The following CLIC5 variants were observed in gnomAD, a reference collection of about 807,000 sequenced individuals.
CLIC5 encodes the protein chloride intracellular channel protein 5.
Under a neutral mutation model 24.7 loss-of-function variants are expected in CLIC5, and 20 were observed. The ratio of observed to expected loss-of-function variants is 0.81; its 90% CI spans 0.57 to 1.18. The LOEUF is 1.18. Among genes scored for constraint, CLIC5 ranks in the 50% most tolerant of loss-of-function variants. The pLI is 0.00. For missense variants in CLIC5, 341 were observed against 326.1 expected (o/e 1.05, Z -0.35); for synonymous variants, 159 against 135.6 (o/e 1.17, Z -1.20).
intron 1 of CLIC5, among the ~76,000 whole-genome samples, chr6:46,048,206 T>C (rs1415118767): frequency 2.0e-5 from 3 of 152,200 alleles, no homozygotes; most frequent in African/African-American, 2.4e-5. Context: ...TTTTGCCATA[T>C]TGGCCAAGTT....
At chr6:46,039,856 C>T (rs1157602839) in intron 1 of CLIC5, among the ~76,000 whole-genome samples, 1 of 152,146 alleles carries the variant, frequency 6.6e-6, no homozygotes, top group Non-Finnish European at 1.5e-5. Context: ...AATGTTCAGT[C>T]TCAATAGCAA....
intron 1 of CLIC5, among the ~76,000 whole-genome samples, chr6:45,980,254 A>G (rs145863833): frequency 7.2e-5 from 11 of 152,210 alleles, no homozygotes; most frequent in African/African-American, 2.4e-4. Context: ...TCACTGGTCT[A>G]TGTGTCTGTT....
chr6:45,964,988 A>G (rs1305574814), intron 1 of CLIC5, among the ~76,000 whole-genome samples: 2 of 152,230 alleles, frequency 1.3e-5, no homozygotes, highest in East Asian at 1.9e-4. Flanking sequence ...GAAGGCAAAC[A>G]TTTAGGAAGA....
chr6:45,962,178 A>ATG (rs1392585758), intron 1 of CLIC5, among the ~76,000 whole-genome samples: 1 of 149,640 alleles, frequency 6.7e-6, no homozygotes, highest in East Asian at 1.9e-4. Flanking sequence ...TATTATATAT[A>ATG]TGTGTGTGTA....
At chr6:45,993,787 A>G (rs972140622) in intron 1 of CLIC5, among the ~76,000 whole-genome samples, 1 of 152,228 alleles carries the variant, frequency 6.6e-6, no homozygotes, top group African/African-American at 2.4e-5. Flanking sequence ...GTGATTGGTT[A>G]GTGTACACTT....
chr6:46,006,477 C>A (rs1013780157), intron 1 of CLIC5, among the ~76,000 whole-genome samples: 82 of 151,972 alleles, frequency 5.4e-4, no homozygotes, highest in African/African-American at 2.0e-3. Context: ...TTCCCAATAT[C>A]CATTCACACC....
the CLIC5 span, among the ~76,000 whole-genome samples, chr6:46,124,772 G>T: frequency 0.023 from 3,537 of 151,752 alleles, 136 homozygotes; most frequent in African/African-American, 0.08. Context: ...CAAAGGATAT[G>T]AACAGACACT....
chr6:46,019,828 C>CATA (rs200522544), upstream of CLIC5, among the ~76,000 whole-genome samples: 859 of 148,780 alleles, frequency 5.8e-3, 42 homozygotes, highest in Admixed American at 0.051. Context: ...AGAGACATTA[C>CATA]ATAATAATAA....
intron 3 of CLIC5, among the ~76,000 whole-genome samples, chr6:45,946,540 A>T (rs1249273339): frequency 1.3e-5 from 2 of 152,208 alleles, no homozygotes; most frequent in Non-Finnish European, 2.9e-5. Context: ...CACATGGCCG[A>T]CCAGCGCTTG....
chr6:46,017,563 G>A (rs1443329056), upstream of CLIC5, among the ~76,000 whole-genome samples: 1 of 152,196 alleles, frequency 6.6e-6, no homozygotes, highest in Non-Finnish European at 1.5e-5. Flanking sequence ...TTTTCTTAGT[G>A]CACACTATGG....
In CLIC5 at chr6:45,902,942, G is replaced by A. The variant is rs1377035756; in HGVS notation, c.*146C>T. On this transcript the variant is annotated 3_prime_UTR_variant, in exon 6 of 6. Coordinates refer to ENST00000339561, the MANE Select transcript of CLIC5 (RefSeq NM_016929.5). ...GTGCTGACCTTCATGAAAGATAGCA[G>A]GCTGGAGTTCCCATGATACCAGCAA... 1.2e-6 allele frequency: 1 copy of A among 814,358 alleles called. No individual in the cohort carries two copies. The highest frequency in any genetic ancestry group is 2.0e-6 in the Non-Finnish European group (1 of 506,196). The allele number at this position is 814,358 out of a possible 1,614,324, so 50.4% of individuals were successfully genotyped here. A position where few individuals can be genotyped will look rare whatever the true frequency, so the allele number is the denominator to read the frequency against.
chr6:45,939,055 C>T (rs1221500174), intron 4 of CLIC5, among the ~76,000 whole-genome samples: 1 of 152,100 alleles, frequency 6.6e-6, no homozygotes, highest in African/African-American at 2.4e-5. Context: ...AGAGACTTTT[C>T]CCCTTACAGT....
the CLIC5 span, among the ~76,000 whole-genome samples, chr6:46,107,557 T>C: frequency 0.02 from 3,048 of 152,298 alleles, 110 homozygotes; most frequent in African/African-American, 0.069. Flanking sequence ...AATTGCTAGA[T>C]ATATTAATAA....
At chr6:45,891,301 G>A (rs1762345014) in intron 6 of CLIC5, among the ~76,000 whole-genome samples, 1 of 152,098 alleles carries the variant, frequency 6.6e-6, no homozygotes, top group African/African-American at 2.4e-5. Context: ...TAAATAAGAT[G>A]TATGCATATA....
At chr6:45,949,477 T>G (rs1290962223) in intron 2 of CLIC5, 96 bp from the exon 3 acceptor site, 4 of 1,347,818 alleles carry the variant, frequency 3.0e-6, no homozygotes, top group African/African-American at 1.5e-5. Context: ...CCCTGTGCTA[T>G]CCAACATGCC....
At chr6:45,957,703 T>C (rs1386088960) in intron 1 of CLIC5, among the ~76,000 whole-genome samples, 1 of 152,238 alleles carries the variant, frequency 6.6e-6, no homozygotes, top group African/African-American at 2.4e-5. Flanking sequence ...CAAAGACCAA[T>C]AGAAATATGC....
At chr6:46,071,482 A>G (rs1342072524) in intron 1 of CLIC5, among the ~76,000 whole-genome samples, 1 of 152,178 alleles carries the variant, frequency 6.6e-6, no homozygotes, top group Non-Finnish European at 1.5e-5. Flanking sequence ...ACCATATGAA[A>G]AAAAGCTTAT....
rs1225258724 is a variant in CLIC5, at chr6:45,914,409, G to A, written c.407C>T (p.Ala136Val). The A allele has an allele frequency of 6.4e-7, 1 of 1,563,678 alleles. No individual in the cohort carries two copies. The highest frequency in any genetic ancestry group is 8.7e-7 in the Non-Finnish European group (1 of 1,145,208). ...IKNTKQQNNA[A>V]LERGLTKALK... ...AGCCTTGGTTAGGCCTCTTTCAAGA[G>A]CTGGCATGAAAGAGTAAAAGGGCCT... The change falls in exon 5 of 6, where the codon GCT becomes GTT. Residue 136 changes from alanine to valine, a missense_variant and splice_region_variant. Transcript: ENST00000339561.
chr6:45,952,122 G>T (rs1764490948), intron 2 of CLIC5, among the ~76,000 whole-genome samples: 1 of 152,152 alleles, frequency 6.6e-6, no homozygotes, highest in South Asian at 2.1e-4. Flanking sequence ...AATGTGTGGT[G>T]GTGGTGATGG....
Sources: gnomAD v4.1 joint callset for allele counts (sites outside exome capture counted in the v4.1 genomes callset) on GRCh38, gnomAD v4.1.1 for gene constraint, MANE v1.5 for transcripts, NCBI Gene and HGNC (gene_info 2026-07-23, HGNC 2026-07-21) for gene names.